The following RAB2A variants were observed in gnomAD, a reference collection of about 807,000 sequenced individuals.
The protein encoded by RAB2A is ras-related protein Rab-2A.
In RAB2A, 7 loss-of-function variants were observed where a neutral mutation model predicts 32.5. The observed-to-expected ratio is 0.22, with a 90% confidence interval of 0.12 to 0.40. The LOEUF is 0.40. RAB2A is among the 10% of genes least tolerant of loss of function. The probability of loss-of-function intolerance (pLI) is 1.00; values close to 1 mark genes in which losing one functional copy is unlikely to be tolerated. For synonymous variants in RAB2A, 79 were observed against 85.2 expected (o/e 0.93, Z 0.40); for missense variants, 108 against 260.7 (o/e 0.41, Z 4.03).
At chr8:60,558,326 G>A (rs955449066) in intron 1 of RAB2A, 3 of 446,200 alleles carry the variant, frequency 6.7e-6, no homozygotes, top group African/African-American at 6.1e-5. Context: ...GACCGTAACG[G>A]GGTCAATTTT....
Position 60,620,681 on chromosome 8 carries a change from G to T in RAB2A, c.551G>T (p.Gly184Val). ...TGTTCTCTTTTATTTCAGGCAAATGGCATTAAAATTGGCCCTCAGCATGCT... is the reference window on the plus strand; with the variant it reads ...TGTTCTCTTTTATTTCAGGCAAATGTCATTAAAATTGGCCCTCAGCATGCT... ...GVFDINNEAN[G>V]IKIGPQHAAT... The change falls in exon 8 of 8, where the codon GGC (glycine) becomes GTC (valine). Residue 184 changes from glycine (G) to valine (V), a missense_variant. Gly to Val is a moderately radical substitution (Grantham distance 109, BLOSUM62 -3). Transcript: ENST00000262646. The T allele has an allele frequency of 6.2e-7, 1 of 1,611,472 alleles. No homozygotes were observed.
At chr8:60,529,249 T>C (rs1175420418) in intron 1 of RAB2A, among the ~76,000 whole-genome samples, 3 of 152,246 alleles carry the variant, frequency 2.0e-5, no homozygotes, top group Non-Finnish European at 4.4e-5. Context: ...ACATGTTCCA[T>C]ATGTGCTTGA....
intron 1 of RAB2A, among the ~76,000 whole-genome samples, chr8:60,522,704 A>AG (rs1807319290): frequency 6.6e-6 from 1 of 152,094 alleles, no homozygotes; most frequent in Non-Finnish European, 1.5e-5. Flanking sequence ...AAGGGGAGGT[A>AG]AGGAGCAAAG....
At chr8:60,619,359 A>G (rs1489024995) in intron 7 of RAB2A, among the ~76,000 whole-genome samples, 1 of 152,136 alleles carries the variant, frequency 6.6e-6, no homozygotes, top group Non-Finnish European at 1.5e-5. Flanking sequence ...TTACATAAAT[A>G]TTTTTGCCAT....
intron 5 of RAB2A, 135 bp downstream of exon 5, chr8:60,584,950 G>A (rs1487088919): frequency 1.9e-6 from 1 of 521,782 alleles, no homozygotes; most frequent in East Asian, 3.4e-5. Flanking sequence ...ATTCTAAGGT[G>A]TTTCTTTTGA....
At chr8:60,520,496 G>A (rs779564861) in intron 1 of RAB2A, among the ~76,000 whole-genome samples, 1 of 152,172 alleles carries the variant, frequency 6.6e-6, no homozygotes, top group Non-Finnish European at 1.5e-5. Context: ...CCTCCCTGCT[G>A]CTCAACGCTC....
intron 1 of RAB2A, among the ~76,000 whole-genome samples, chr8:60,542,258 G>A (rs1807657267): frequency 6.6e-6 from 1 of 152,166 alleles, no homozygotes; most frequent in African/African-American, 2.4e-5. Flanking sequence ...GCTCATGCCT[G>A]TAATCCCAGC....
At chr8:60,585,003 GTTA>G (rs1440333375) in intron 5 of RAB2A, among the ~76,000 whole-genome samples, 188 bp downstream of exon 5, 5 of 152,058 alleles carry the variant, frequency 3.3e-5, no homozygotes, top group Admixed American at 6.6e-5. Context: ...AATTATTACT[GTTA>G]TTATTAGAAA....
intron 3 of RAB2A, chr8:60,576,365 ACTTTTTCTCTTG>A (rs1337760228): frequency 2.3e-6 from 1 of 430,694 alleles, no homozygotes; most frequent in Non-Finnish European, 4.7e-6. Flanking sequence ...TTTTTCTCTT[ACTTTTTCTCTTG>A]CCTTCTATTC....
chr8:60,569,332 C>T (rs1394856782), intron 2 of RAB2A, among the ~76,000 whole-genome samples: 1 of 151,992 alleles, frequency 6.6e-6, no homozygotes, highest in Admixed American at 6.6e-5. Context: ...AATTATCCAT[C>T]CTGACCTGGT....
chr8:60,594,733 T>C (rs574243849), intron 6 of RAB2A, among the ~76,000 whole-genome samples: 1 of 152,206 alleles, frequency 6.6e-6, no homozygotes, highest in Non-Finnish European at 1.5e-5. Context: ...ACATGCGGTG[T>C]TTGGTTTTCT....
chr8:60,584,026 ACTTGAGCAAT>A (rs1563477789), intron 3 of RAB2A, 172 bp from the exon 4 acceptor site: 2 of 524,906 alleles, frequency 3.8e-6, no homozygotes, highest in South Asian at 2.1e-5. Context: ...CGTCTCGTTG[ACTTGAGCAAT>A]CTTGAGCAAT....
intron 5 of RAB2A, among the ~76,000 whole-genome samples, chr8:60,591,304 C>G (rs1221601053): frequency 1.3e-5 from 2 of 151,528 alleles, no homozygotes; most frequent in East Asian, 3.9e-4. Context: ...CTCTCTACTC[C>G]TTCTCCCTCC....
Position 60,555,499 on chromosome 8 carries a change from A to G in RAB2A, c.47-3353A>G, listed in dbSNP as rs540722375. Among the ~76,000 whole-genome samples the G allele has an allele frequency of 5.9e-5, 9 of 152,320 alleles. No homozygotes were observed. In the South Asian group the frequency reaches 1.9e-3, roughly 32 times the overall value. Reference sequence around the variant, plus strand: ...TTTATCTTACAAGGGATTCATATACAAGGAACTCAACAATAAAAAAAAAAT... The same window carrying G: ...TTTATCTTACAAGGGATTCATATACGAGGAACTCAACAATAAAAAAAAAAT... On this transcript the variant is annotated intron_variant, in intron 1 of 7. Coordinates refer to ENST00000262646, the MANE Select transcript of RAB2A (RefSeq NM_002865.3).
rs960342525 is a variant in RAB2A, at chr8:60,623,487, A to C, written c.*2718A>C. ...ATGGGGTTTGACTATATGAGCTAAA[A>C]GATACACAAAGAGATAACGCTGTTT... On this transcript the variant is annotated 3_prime_UTR_variant, in exon 8 of 8. Coordinates refer to ENST00000262646, the MANE Select transcript of RAB2A (RefSeq NM_002865.3). 1 of 152,208 alleles carries C rather than the reference A, an allele frequency of 6.6e-6. No homozygotes were observed. Among genetic ancestry groups the C allele is most frequent in the African/African-American group, 2.4e-5 (1 of 41,456 alleles). 9.4% of individuals were successfully genotyped at this position (152,208 alleles called of 1,614,324 possible).
intron 1 of RAB2A, among the ~76,000 whole-genome samples, chr8:60,556,303 G>A (rs1807937475): frequency 6.6e-6 from 1 of 152,098 alleles, no homozygotes; most frequent in Non-Finnish European, 1.5e-5. Context: ...GTACTATAGG[G>A]TGACTATGAT....
intron 1 of RAB2A, among the ~76,000 whole-genome samples, chr8:60,533,370 A>T (rs1051789330): frequency 6.6e-6 from 1 of 152,240 alleles, no homozygotes; most frequent in African/African-American, 2.4e-5. Context: ...AGGCTATAAC[A>T]TTCATGACAT....
intron 1 of RAB2A, among the ~76,000 whole-genome samples, chr8:60,544,214 A>G (rs1185872672): frequency 1.4e-5 from 2 of 146,752 alleles, no homozygotes; most frequent in African/African-American, 5.1e-5. Context: ...TAATTTTTAT[A>G]TTTTTAGTAG....
At chr8:60,578,803 G>A (rs2130845177) in intron 3 of RAB2A, among the ~76,000 whole-genome samples, 1 of 152,280 alleles carries the variant, frequency 6.6e-6, no homozygotes, top group Middle Eastern at 3.4e-3. Flanking sequence ...GCCAGTTTAA[G>A]GGATTCTTTA....
Sources: allele counts gnomAD v4.1 joint callset (sites outside exome capture counted in the v4.1 genomes callset), GRCh38; gene constraint gnomAD v4.1.1; transcripts MANE v1.5; gene names NCBI Gene and HGNC (gene_info 2026-07-23, HGNC 2026-07-21).